Variants in MELK observed in about 807,000 individuals in gnomAD.
MELK encodes maternal embryonic leucine zipper kinase.
A neutral mutation model predicts 85.0 loss-of-function variants in MELK; 81 were observed. The ratio of observed to expected loss-of-function variants is 0.95; its 90% CI spans 0.80 to 1.15. The LOEUF (loss-of-function observed/expected upper bound fraction) is 1.15. MELK is among the 50% of genes most tolerant of loss of function. The probability of loss-of-function intolerance (pLI) is 0.00; values close to 1 mark genes in which losing one functional copy is unlikely to be tolerated. For missense variants in MELK, 754 were observed against 777.5 expected, an observed-to-expected ratio of 0.97 and a Z score of 0.36; for synonymous variants, 252 against 265.0, an observed-to-expected ratio of 0.95 and a Z score of 0.48.
At chr9:36,573,111 C>T (rs1306060489) in intron 1 of MELK, 104 bp downstream of exon 1, 4 of 152,272 alleles carry the variant, frequency 2.6e-5, no homozygotes, top group African/African-American at 9.6e-5. Context: ...TCTCGGGAGA[C>T]TGGAGGATTT....
intron 14 of MELK, among the ~76,000 whole-genome samples, chr9:36,667,436 G>A (rs985394848): frequency 5.3e-5 from 8 of 152,330 alleles, no homozygotes; most frequent in African/African-American, 1.7e-4. Flanking sequence ...GATTATAGGC[G>A]TGGGCCATTG....
At chr9:36,667,761 CTCTTCTCTTT>C (rs1165439235) in intron 14 of MELK, among the ~76,000 whole-genome samples, 1 of 151,748 alleles carries the variant, frequency 6.6e-6, no homozygotes, top group Non-Finnish European at 1.5e-5. Context: ...CTCTCCTCTT[CTCTTCTCTTT>C]TCTTCTTTTT....
chr9:36,573,707 A>G (rs1821336383), intron 1 of MELK, among the ~76,000 whole-genome samples: 1 of 151,722 alleles, frequency 6.6e-6, no homozygotes, highest in Admixed American at 6.6e-5. Context: ...GGGTTTCACC[A>G]CGTTGGCCAG....
intron 16 of MELK, among the ~76,000 whole-genome samples, chr9:36,671,384 A>G (rs1025067885): frequency 2.0e-5 from 3 of 152,216 alleles, no homozygotes; most frequent in Non-Finnish European, 2.9e-5. Context: ...CTATCATTCA[A>G]ATATTCAAGA....
rs561161948 is a variant in MELK, at chr9:36,657,100, T to C, written c.1054-141T>C. 13 of 993,682 alleles carry C rather than the reference T, an allele frequency of 1.3e-5. No individual in the cohort carries two copies. In the South Asian group the frequency reaches 2.2e-4, roughly 17 times the overall value. The allele number at this position is 993,682 out of a possible 1,614,324, so 61.6% of individuals were successfully genotyped here. A position where few individuals can be genotyped will look rare whatever the true frequency, so the allele number is the denominator to read the frequency against. ...TGACGTCTCAGTTTGTGTAAGTACA[T>C]TTTATGATGTTCACACAGTGATAAA... is the stretch of plus-strand genomic sequence containing the variant. On this transcript the variant is annotated intron_variant, in intron 12 of 17. Transcript: ENST00000298048.
intron 1 of MELK, among the ~76,000 whole-genome samples, chr9:36,579,991 C>G (rs1360233711): frequency 7.1e-6 from 1 of 141,656 alleles, no homozygotes; most frequent in Non-Finnish European, 1.6e-5. Context: ...TGACTGGGGT[C>G]TTAGTTTGGG....
chr9:36,592,172 C>CTTTTTT (rs35073009), intron 4 of MELK, among the ~76,000 whole-genome samples: 165 of 117,186 alleles, frequency 1.4e-3, no homozygotes, highest in African/African-American at 3.1e-3. Context: ...CATTTCTTTT[C>CTTTTTT]TTTTTTTTTT....
At chr9:36,630,628 T>A (rs1828464539) in intron 9 of MELK, among the ~76,000 whole-genome samples, 1 of 152,128 alleles carries the variant, frequency 6.6e-6, no homozygotes, top group East Asian at 1.9e-4. Context: ...TTCCACTCTC[T>A]TTTATTCCAA....
Position 36,665,544 on chromosome 9 carries a change from A to G in MELK, c.1371A>G (p.Ile457Met), listed in dbSNP as rs1832258240. The G allele has an allele frequency of 6.2e-7, 1 of 1,613,602 alleles. No homozygotes were observed. Among genetic ancestry groups the G allele is most frequent in the African/African-American group, 1.3e-5 (1 of 74,908 alleles). ...PVNKNQHKREILTTPNRYTTP... is the reference protein window; with the variant it reads ...PVNKNQHKREMLTTPNRYTTP... Reference sequence around the variant, plus strand: ...ATAAGAACCAGCATAAGAGAGAAATACTCACTACGCCAAATCGTTACACTA... The same window carrying G: ...ATAAGAACCAGCATAAGAGAGAAATGCTCACTACGCCAAATCGTTACACTA... The change falls in exon 14 of 18, where the codon ATA (isoleucine) becomes ATG (methionine). Residue 457 changes from isoleucine to methionine, a missense_variant. By Grantham distance (10) the Ile-to-Met change is conservative (BLOSUM62 1). Transcript: ENST00000298048.
intron 8 of MELK, among the ~76,000 whole-genome samples, chr9:36,616,387 C>CTTGTTTTTTTTTTTTT (rs1826791198): frequency 8.7e-6 from 1 of 114,628 alleles, no homozygotes; most frequent in Non-Finnish European, 1.8e-5. Context: ...ATGTCAAACT[C>CTTGTTTTTTTTTTTTT]TTTTTTTTTT....
chr9:36,663,157 T>G (rs1832018448), intron 13 of MELK, among the ~76,000 whole-genome samples: 2 of 152,084 alleles, frequency 1.3e-5, no homozygotes, highest in African/African-American at 4.8e-5. Flanking sequence ...CTCAGCTTAC[T>G]GCAACCTCTG....
At chr9:36,643,933 CA>C (rs796275817) in intron 11 of MELK, among the ~76,000 whole-genome samples, 18,567 of 92,126 alleles carry the variant, frequency 0.2, 1,241 homozygotes, top group African/African-American at 0.32. Flanking sequence ...GACTCCATCT[CA>C]AAAAAAAAAA....
intron 6 of MELK, among the ~76,000 whole-genome samples, 173 bp downstream of exon 6, chr9:36,597,463 T>C (rs893230907): frequency 1.3e-5 from 2 of 152,224 alleles, no homozygotes; most frequent in African/African-American, 2.4e-5. Context: ...TAGATGATCA[T>C]AACATGCAAT....
chr9:36,633,242 T>G, intron 10 of MELK, 42 bp downstream of exon 10: 1 of 1,409,884 alleles, frequency 7.1e-7, no homozygotes, highest in Non-Finnish European at 9.9e-7. Context: ...TTTGACTTTG[T>G]GTGGTCTTTG....
chr9:36,573,825 C>T (rs113870532), intron 1 of MELK, among the ~76,000 whole-genome samples: 7 of 152,178 alleles, frequency 4.6e-5, no homozygotes, highest in African/African-American at 1.4e-4. Context: ...GAATTTTCAC[C>T]GAATGCTGTA....
chr9:36,595,486 C>A (rs1824115613), intron 5 of MELK, among the ~76,000 whole-genome samples: 1 of 152,078 alleles, frequency 6.6e-6, no homozygotes. Flanking sequence ...TTCGCCCTGG[C>A]CTCCCAAAGT....
At chr9:36,585,744 C>T (rs1215816277) in intron 3 of MELK, among the ~76,000 whole-genome samples, 1 of 152,034 alleles carries the variant, frequency 6.6e-6, no homozygotes, top group African/African-American at 2.4e-5. Context: ...CGAGACTAGC[C>T]TGGGCAATAT....
intron 7 of MELK, chr9:36,606,837 T>G (rs1263827886): frequency 6.6e-6 from 1 of 151,156 alleles, no homozygotes; most frequent in Non-Finnish European, 1.5e-5. Context: ...CAGGCTGGAG[T>G]ACAGTGGCGT....
At chr9:36,611,887 C>T (rs1473858342) in intron 8 of MELK, among the ~76,000 whole-genome samples, 2 of 151,798 alleles carry the variant, frequency 1.3e-5, no homozygotes, top group Non-Finnish European at 2.9e-5. Flanking sequence ...ATTCTTCTGC[C>T]TCAGCCTTCC....
Sources: allele counts gnomAD v4.1 joint callset (sites outside exome capture counted in the v4.1 genomes callset), GRCh38; gene constraint gnomAD v4.1.1; transcripts MANE v1.5; gene names NCBI Gene and HGNC (gene_info 2026-07-23, HGNC 2026-07-21).